SPATS2L: variants seen among roughly 807,000 people sequenced by gnomAD.
SPATS2L encodes spermatogenesis associated serine rich 2 like.
Under a neutral mutation model 59.6 loss-of-function variants are expected in SPATS2L, and 30 were observed. That is an observed-to-expected ratio of 0.50 (90% CI 0.38 to 0.68). The LOEUF is 0.68. SPATS2L is among the 30% of genes least tolerant of loss of function. The pLI is 0.00. For missense variants in SPATS2L, 615 were observed against 700.0 expected, an observed-to-expected ratio of 0.88 and a Z score of 1.37; for synonymous variants, 252 against 263.5, an observed-to-expected ratio of 0.96 and a Z score of 0.42.
At chr2:200,422,261 GCTTGGTGACTCACA>G (rs1411543988) in intron 6 of SPATS2L, among the ~76,000 whole-genome samples, 2 of 152,304 alleles carry the variant, frequency 1.3e-5, no homozygotes, top group East Asian at 3.9e-4. Flanking sequence ...AATGAGCCAG[GCTTGGTGACTCACA>G]CTTGTCATCC....
chr2:200,440,420 C>G (rs146701352), intron 7 of SPATS2L, among the ~76,000 whole-genome samples: 471 of 152,304 alleles, frequency 3.1e-3, no homozygotes, highest in African/African-American at 0.011. Flanking sequence ...GTGCAGGAGA[C>G]AAGCGTACCC....
intron 6 of SPATS2L, among the ~76,000 whole-genome samples, chr2:200,428,449 T>A (rs1292034798): frequency 6.6e-6 from 1 of 152,192 alleles, no homozygotes; most frequent in East Asian, 1.9e-4. Context: ...TGGAGGTCAT[T>A]CTTCCTTACC....
At chr2:200,384,822 A>G (rs1018284353) in intron 2 of SPATS2L, among the ~76,000 whole-genome samples, 1 of 152,228 alleles carries the variant, frequency 6.6e-6, no homozygotes, top group East Asian at 1.9e-4. Flanking sequence ...ACATATGTTT[A>G]TAATGGTATT....
intron 8 of SPATS2L, among the ~76,000 whole-genome samples, chr2:200,452,905 A>T (rs2085567139): frequency 6.9e-6 from 1 of 144,328 alleles, no homozygotes; most frequent in Admixed American, 7.0e-5. Flanking sequence ...AAAAAAAAAA[A>T]TCTATTATTA....
chr2:200,463,116 T>G (rs947950755), intron 9 of SPATS2L: 1 of 151,888 alleles, frequency 6.6e-6, no homozygotes, highest in Non-Finnish European at 1.5e-5. Flanking sequence ...AAGTCAGGGG[T>G]TCTATTGCAT....
intron 12 of SPATS2L, among the ~76,000 whole-genome samples, chr2:200,473,554 A>G (rs1289758631): frequency 1.3e-5 from 2 of 152,220 alleles, no homozygotes; most frequent in African/African-American, 2.4e-5. Flanking sequence ...GATTTCAGTA[A>G]GGAGAATACA....
Position 200,431,683 on chromosome 2 carries a change from A to G in SPATS2L, c.446-7439A>G, listed in dbSNP as rs555353317. On this transcript the variant is annotated intron_variant, in intron 6 of 12. Coordinates refer to ENST00000409140, the MANE Select transcript of SPATS2L (RefSeq NM_001100423.2). ...TTCTTTCTTCAGTCTACTTATAAGT[A>G]TATCAAGCTTTCACTAAAAAGTAAA... Among the ~76,000 whole-genome samples the G allele has an allele frequency of 5.3e-5, 8 of 152,374 alleles. No homozygotes were observed. The South Asian group carries it at 1.2e-3, about 24-fold the overall frequency.
At chr2:200,396,068 T>TATATATATATATGTATA (rs58104978) in intron 3 of SPATS2L, among the ~76,000 whole-genome samples, 1 of 25,170 alleles carries the variant, frequency 4.0e-5, no homozygotes, top group African/African-American at 1.4e-4. Context: ...ATATATATAT[T>TATATATATATATGTATA]TTCCCATAGA....
chr2:200,437,961 A>G (rs1215924836), intron 6 of SPATS2L, among the ~76,000 whole-genome samples: 1 of 152,226 alleles, frequency 6.6e-6, no homozygotes, highest in African/African-American at 2.4e-5. Flanking sequence ...CCATCGAGCC[A>G]GACACAAGTA....
At chr2:200,341,949 A>C (rs1350059134) in intron 2 of SPATS2L, among the ~76,000 whole-genome samples, 2 of 152,092 alleles carry the variant, frequency 1.3e-5, no homozygotes, top group African/African-American at 4.8e-5. Flanking sequence ...CAGCCTCCCG[A>C]AGTGCTGGGA....
In SPATS2L at chr2:200,383,420, T is replaced by C. The variant is rs567673153; in HGVS notation, c.-22-5803T>C. ...TATATTCCTTTTTTTGTACTCAGTCTTTGAAACTCGGCCTCTATTAAACCC... is the reference window on the plus strand; with the variant it reads ...TATATTCCTTTTTTTGTACTCAGTCCTTGAAACTCGGCCTCTATTAAACCC... On this transcript the variant is annotated intron_variant, in intron 2 of 12. Transcript: ENST00000409140. Among the ~76,000 whole-genome samples, 17 of 152,366 alleles carry C rather than the reference T, an allele frequency of 1.1e-4. No individual in the cohort carries two copies. The East Asian group carries it at 3.3e-3, about 29-fold the overall frequency.
At chr2:200,379,915 G>T (rs973357996) in intron 2 of SPATS2L, among the ~76,000 whole-genome samples, 1 of 152,084 alleles carries the variant, frequency 6.6e-6, no homozygotes, top group Non-Finnish European at 1.5e-5. Context: ...GATACAAGTG[G>T]GTACTTGCAC....
At chr2:200,471,336 A>G (rs1357246093) in intron 11 of SPATS2L, among the ~76,000 whole-genome samples, 1 of 151,754 alleles carries the variant, frequency 6.6e-6, no homozygotes, top group Admixed American at 6.6e-5. Flanking sequence ...CTTTTGCCCC[A>G]CCTCTAAAAA....
At chr2:200,308,182 G>A (rs2079088540) in intron 1 of SPATS2L, among the ~76,000 whole-genome samples, 1 of 150,792 alleles carries the variant, frequency 6.6e-6, no homozygotes, top group African/African-American at 2.4e-5. Flanking sequence ...CAGAGTTTAA[G>A]CAGATGTATG....
At chr2:200,394,268 G>A (rs915579808) in intron 3 of SPATS2L, among the ~76,000 whole-genome samples, 7 of 152,056 alleles carry the variant, frequency 4.6e-5, no homozygotes, top group South Asian at 2.1e-4. Flanking sequence ...TCTCTCATTC[G>A]CCACCCTGAC....
chr2:200,326,519 CT>C (rs2079749200), intron 1 of SPATS2L, among the ~76,000 whole-genome samples: 1 of 152,106 alleles, frequency 6.6e-6, no homozygotes, highest in African/African-American at 2.4e-5. Context: ...CAAAGTTGTC[CT>C]CTTTGAGGAA....
chr2:200,436,654 T>G (rs1324439665), intron 6 of SPATS2L, among the ~76,000 whole-genome samples: 1 of 152,258 alleles, frequency 6.6e-6, no homozygotes, highest in Non-Finnish European at 1.5e-5. Flanking sequence ...TTTAAAATTC[T>G]TTTGCATTTC....
chr2:200,452,340 C>T (rs1412966588), intron 8 of SPATS2L, among the ~76,000 whole-genome samples: 1 of 152,138 alleles, frequency 6.6e-6, no homozygotes, highest in African/African-American at 2.4e-5. Context: ...TGGGATTATG[C>T]TATTCTGTCA....
chr2:200,477,985 C>A lies in SPATS2L; in HGVS notation c.1631C>A (p.Thr544Lys). ...TGCCCCACGAGAATAGAAGTTTCCA[C>A]AGATGCAGCAGTTCTCTCAGTCCCG... ...NLCPTRIEVS[T>K]DAAVLSVPAV... Residue 544 changes from threonine to lysine, a missense_variant, in exon 13 of 13, where the codon ACA becomes AAA. Coordinates refer to ENST00000409140, the MANE Select transcript of SPATS2L (RefSeq NM_001100423.2). The A allele has an allele frequency of 6.3e-7, 1 of 1,590,880 alleles. No homozygotes were observed. Among genetic ancestry groups the A allele is most frequent in the Non-Finnish European group, 8.6e-7 (1 of 1,168,424 alleles).
Sources: allele counts gnomAD v4.1 joint callset (sites outside exome capture counted in the v4.1 genomes callset), GRCh38; gene constraint gnomAD v4.1.1; transcripts MANE v1.5; gene names NCBI Gene and HGNC (gene_info 2026-07-23, HGNC 2026-07-21).